Variants in FGF2 observed in about 807,000 individuals in gnomAD.
FGF2 encodes the protein basic fibroblast growth factor bFGF.
Under a neutral mutation model 15.9 loss-of-function variants are expected in FGF2, and 13 were observed. That is an observed-to-expected ratio of 0.82 (90% CI 0.53 to 1.30). The LOEUF (loss-of-function observed/expected upper bound fraction) is 1.30. Ranked by LOEUF, FGF2 falls within the 50% of genes most tolerant of loss-of-function variation. FGF2 has a pLI of 0.00. For synonymous variants in FGF2, 90 were observed against 78.4 expected (o/e 1.15, Z -0.78); for missense variants, 163 against 196.9 (o/e 0.83, Z 1.03).
intron 1 of FGF2, among the ~76,000 whole-genome samples, chr4:122,832,001 T>C (rs1456905141): frequency 6.6e-6 from 1 of 152,224 alleles, no homozygotes; most frequent in African/African-American, 2.4e-5. Flanking sequence ...TCATCAGTGA[T>C]GTTGAAAAGA....
Position 122,895,141 on chromosome 4 carries a change from C to T in FGF2, c.*2745C>T, listed in dbSNP as rs889323544. ...CAGAGTATGCGGGAGACCCTTCCAC[C>T]TCAAGATGGATATTTCTTCCCCAAG... On this transcript the variant is annotated 3_prime_UTR_variant, in exon 3 of 3. Coordinates refer to ENST00000644866, the MANE Select transcript of FGF2 (RefSeq NM_001361665.2). 2.0e-5 allele frequency: 3 copies of T among 152,184 alleles called. No individual in the cohort carries two copies. Among genetic ancestry groups the T allele is most frequent in the African/African-American group, 4.8e-5 (2 of 41,448 alleles). The allele number at this position is 152,184 out of a possible 1,614,324, so 9.4% of individuals were successfully genotyped here. A position where few individuals can be genotyped will look rare whatever the true frequency, so the allele number is the denominator to read the frequency against.
Position 122,897,684 on chromosome 4 carries a change from G to A in FGF2, c.*5288G>A. Reference sequence around the variant, plus strand: ...AACTTCCACATATTTTTCAACTGCAGTATAAAGTCAGAAAATAAAGTTAAC... The same window carrying A: ...AACTTCCACATATTTTTCAACTGCAATATAAAGTCAGAAAATAAAGTTAAC... On this transcript the variant is annotated 3_prime_UTR_variant, in exon 3 of 3. Coordinates refer to ENST00000644866, the MANE Select transcript of FGF2 (RefSeq NM_001361665.2). 3 of 1,593,506 alleles carry A rather than the reference G, an allele frequency of 1.9e-6. No individual in the cohort carries two copies. The South Asian group carries it at 3.3e-5, about 18-fold the overall frequency.
Position 122,828,273 on chromosome 4 carries a change from C to T in FGF2, c.178+921C>T, listed in dbSNP as rs79563466. Among the ~76,000 whole-genome samples the T allele has an allele frequency of 7.2e-3, 1,093 of 152,222 alleles. 16 individuals carry two copies. Among genetic ancestry groups the T allele is most frequent in the African/African-American group, 0.025 (1,021 of 41,520 alleles). The stretch of plus-strand genomic sequence containing the variant: ...ACATGTTCCCCGGGGATGCTGATCA[C>T]ATCACACTTTGAGAGCCACTGGTCT... On this transcript the variant is annotated intron_variant, in intron 1 of 2. Coordinates refer to ENST00000644866, the MANE Select transcript of FGF2 (RefSeq NM_001361665.2).
At chr4:122,880,407 C>T (rs6831512) in intron 2 of FGF2, among the ~76,000 whole-genome samples, 17,808 of 151,938 alleles carry the variant, frequency 0.12, 1,135 homozygotes, top group Middle Eastern at 0.21. Flanking sequence ...CCACCATGCC[C>T]GGCTAATTTT....
rs540909475 is a variant in FGF2 at position 122,831,904 on chromosome 4, A to G, written c.178+4552A>G. Among the ~76,000 whole-genome samples the G allele has an allele frequency of 5.9e-5, 9 of 152,374 alleles. No individual in the cohort carries two copies. In the East Asian group the frequency reaches 1.7e-3, roughly 29 times the overall value. On this transcript the variant is annotated intron_variant, in intron 1 of 2. Transcript: ENST00000644866. ...TTAATTAGAAAATAAAATGTTACAG[A>G]TGTAATGAACAAAACAAGAACGGTT...
At chr4:122,884,205 A>C (rs537998418) in intron 2 of FGF2, among the ~76,000 whole-genome samples, 107 of 152,366 alleles carry the variant, frequency 7.0e-4, no homozygotes, top group Non-Finnish European at 1.1e-3. Context: ...GTTTAAGATC[A>C]AATTTAGGCC....
chr4:122,856,794 A>G (rs1020272945), intron 1 of FGF2, among the ~76,000 whole-genome samples: 6 of 152,210 alleles, frequency 3.9e-5, no homozygotes, highest in African/African-American at 1.4e-4. Context: ...TTCAAGATAC[A>G]GAGCATTTCC....
chr4:122,842,272 C>T (rs1468700992), intron 1 of FGF2, among the ~76,000 whole-genome samples: 1 of 152,130 alleles, frequency 6.6e-6, no homozygotes, highest in Non-Finnish European at 1.5e-5. Context: ...CCTGGGAGTT[C>T]ATGGATTTGC....
At chr4:122,881,014 G>T (rs1409825175) in intron 2 of FGF2, among the ~76,000 whole-genome samples, 2 of 151,960 alleles carry the variant, frequency 1.3e-5, no homozygotes, top group South Asian at 2.1e-4. Flanking sequence ...AACACCATGT[G>T]GAAGCTGCCA....
At chr4:122,853,792 G>A (rs1726282637) in intron 1 of FGF2, among the ~76,000 whole-genome samples, 2 of 152,180 alleles carry the variant, frequency 1.3e-5, no homozygotes, top group African/African-American at 4.8e-5. Flanking sequence ...GCTGGATGAA[G>A]AATATAAGCA....
intron 2 of FGF2, among the ~76,000 whole-genome samples, chr4:122,877,105 C>T (rs1221206429): frequency 2.1e-5 from 3 of 143,016 alleles, no homozygotes; most frequent in Non-Finnish European, 4.7e-5. Flanking sequence ...AGGAGAGGGA[C>T]TTTTTTTTTT....
chr4:122,846,910 T>G (rs565830442), intron 1 of FGF2, among the ~76,000 whole-genome samples: 1 of 152,340 alleles, frequency 6.6e-6, no homozygotes, highest in South Asian at 2.1e-4. Context: ...CTGGGGTTTT[T>G]TGCCGTCAGT....
In FGF2 at chr4:122,879,854, C is replaced by T. The variant is rs190119838; in HGVS notation, c.282+3430C>T. ...ATGGGAAAGACTTGTCCCCATGATTCAATTACCTCCCACTGGGTCCTTCCC... is the reference window on the plus strand; with the variant it reads ...ATGGGAAAGACTTGTCCCCATGATTTAATTACCTCCCACTGGGTCCTTCCC... On this transcript the variant is annotated intron_variant, in intron 2 of 2. Coordinates refer to ENST00000644866, the MANE Select transcript of FGF2 (RefSeq NM_001361665.2). 8.5e-5 allele frequency among the ~76,000 whole-genome samples: 13 copies of T among 152,280 alleles called. No homozygotes were observed. In the East Asian group the frequency reaches 2.5e-3, roughly 29 times the overall value.
At chr4:122,869,418 A>G (rs930250983) in intron 1 of FGF2, among the ~76,000 whole-genome samples, 2 of 152,226 alleles carry the variant, frequency 1.3e-5, no homozygotes, top group African/African-American at 4.8e-5. Flanking sequence ...TCTATAAATT[A>G]CTTTGGGCAG....
intron 1 of FGF2, among the ~76,000 whole-genome samples, chr4:122,837,434 A>G (rs1725888373): frequency 6.6e-6 from 1 of 152,238 alleles, no homozygotes; most frequent in Admixed American, 6.5e-5. Flanking sequence ...ATCACTTGAT[A>G]AACACTTTGC....
chr4:122,864,876 G>GT (rs1213611182), intron 1 of FGF2, among the ~76,000 whole-genome samples: 2 of 152,078 alleles, frequency 1.3e-5, no homozygotes, highest in African/African-American at 4.8e-5. Context: ...ATTCTAGATT[G>GT]TTTTAAAGTT....
intron 1 of FGF2, among the ~76,000 whole-genome samples, chr4:122,846,061 T>G (rs1290807281): frequency 2.0e-5 from 3 of 152,194 alleles, no homozygotes; most frequent in African/African-American, 7.2e-5. Flanking sequence ...GGTTTACTAA[T>G]TGGCCTAACT....
At chr4:122,865,280 T>G (rs948363584) in intron 1 of FGF2, among the ~76,000 whole-genome samples, 12 of 109,444 alleles carry the variant, frequency 1.1e-4, no homozygotes, top group African/African-American at 3.3e-4. Flanking sequence ...TGTTTTTTTT[T>G]GTTTGTTTGT....
chr4:122,868,457 T>G (rs1726652665), intron 1 of FGF2, among the ~76,000 whole-genome samples: 1 of 152,232 alleles, frequency 6.6e-6, no homozygotes, highest in African/African-American at 2.4e-5. Context: ...ATCTCATTCC[T>G]TTTTATGGCT....
Sources: gnomAD v4.1 joint callset for allele counts (sites outside exome capture counted in the v4.1 genomes callset) on GRCh38, gnomAD v4.1.1 for gene constraint, MANE v1.5 for transcripts, NCBI Gene and HGNC (gene_info 2026-07-23, HGNC 2026-07-21) for gene names.